TNFAIP8: variants seen among roughly 807,000 people sequenced by gnomAD.
The protein encoded by TNFAIP8 is tumor necrosis factor alpha-induced protein 8.
Under a neutral mutation model 13.3 loss-of-function variants are expected in TNFAIP8, and 7 were observed. That is an observed-to-expected ratio of 0.52 (90% CI 0.30 to 0.99). TNFAIP8 has a LOEUF of 0.99. Ranked by LOEUF, TNFAIP8 falls within the 50% of genes least tolerant of loss-of-function variation. TNFAIP8 has a pLI of 0.07. For missense variants in TNFAIP8, 258 were observed against 236.9 expected (o/e 1.09, Z -0.58); for synonymous variants, 94 against 87.6 (o/e 1.07, Z -0.41).
At chr5:119,345,817 A>T (rs1019013317) in intron 1 of TNFAIP8, among the ~76,000 whole-genome samples, 1 of 152,222 alleles carries the variant, frequency 6.6e-6, no homozygotes, top group Non-Finnish European at 1.5e-5. Context: ...GAATGTACTT[A>T]ATTCTCCTGA....
At chr5:119,377,656 G>C (rs1375258287) in intron 1 of TNFAIP8, among the ~76,000 whole-genome samples, 3 of 152,186 alleles carry the variant, frequency 2.0e-5, no homozygotes, top group African/African-American at 7.2e-5. Context: ...ATGAACAAGT[G>C]TTATGAAAAC....
intron 1 of TNFAIP8, among the ~76,000 whole-genome samples, chr5:119,358,293 A>C (rs905500962): frequency 6.6e-6 from 1 of 152,168 alleles, no homozygotes; most frequent in African/African-American, 2.4e-5. Flanking sequence ...GGTTGAATCT[A>C]AGTCCTTGGA....
At chr5:119,359,931 G>A (rs895709763) in intron 1 of TNFAIP8, among the ~76,000 whole-genome samples, 1 of 152,182 alleles carries the variant, frequency 6.6e-6, no homozygotes, top group Admixed American at 6.5e-5. Context: ...CATTAGGCTT[G>A]GAGTGTTGTG....
At chr5:119,312,582 A>G (rs1037109322) in intron 1 of TNFAIP8, among the ~76,000 whole-genome samples, 2 of 151,898 alleles carry the variant, frequency 1.3e-5, no homozygotes, top group African/African-American at 4.8e-5. Context: ...TAAAGGGAAG[A>G]GTGTGAACTT....
At chr5:119,357,224 G>C (rs1340909806) in intron 1 of TNFAIP8, among the ~76,000 whole-genome samples, 1 of 152,162 alleles carries the variant, frequency 6.6e-6, no homozygotes, top group Non-Finnish European at 1.5e-5. Context: ...ATAAAAAGGA[G>C]GTTTGTTTAA....
chr5:119,292,391 ATTAG>A (rs1198618645), intron 1 of TNFAIP8, among the ~76,000 whole-genome samples: 1 of 151,974 alleles, frequency 6.6e-6, no homozygotes, highest in African/African-American at 2.4e-5. Context: ...GTATGAGGAA[ATTAG>A]TTAATGTCTT....
At chr5:119,277,794 G>T (rs944646935) in intron 1 of TNFAIP8, among the ~76,000 whole-genome samples, 3 of 152,206 alleles carry the variant, frequency 2.0e-5, no homozygotes, top group African/African-American at 7.2e-5. Context: ...CACAGATTCA[G>T]TGTCTGGTGA....
chr5:119,293,013 A>T (rs1179013141), intron 1 of TNFAIP8, among the ~76,000 whole-genome samples: 1 of 152,050 alleles, frequency 6.6e-6, no homozygotes, highest in Non-Finnish European at 1.5e-5. Context: ...GCATTATTCC[A>T]GGTTCATCTG....
intron 1 of TNFAIP8, among the ~76,000 whole-genome samples, chr5:119,361,245 G>A (rs537337548): frequency 1.1e-4 from 16 of 152,086 alleles, no homozygotes; most frequent in Non-Finnish European, 2.2e-4. Context: ...CCCCCCAGCC[G>A]CTGACCAAGA....
intron 1 of TNFAIP8, among the ~76,000 whole-genome samples, chr5:119,329,511 G>A (rs893523331): frequency 3.9e-5 from 6 of 152,098 alleles, no homozygotes; most frequent in Non-Finnish European, 5.9e-5. Context: ...TAAATAGAAA[G>A]GTGTTCTTCC....
rs565393359 is a variant in TNFAIP8, at chr5:119,398,224, G to T, written c.*4843G>T. 1 of 152,128 alleles carries T rather than the reference G, an allele frequency of 6.6e-6. No homozygotes were observed. The highest frequency in any genetic ancestry group is 2.4e-5 in the African/African-American group (1 of 41,436). The allele number at this position is 152,128 out of a possible 1,614,324, so 9.4% of individuals were successfully genotyped here. A position where few individuals can be genotyped will look rare whatever the true frequency, so the allele number is the denominator to read the frequency against. ...ACATCAGCTGCATAACTGTATTTCT[G>T]CCTCGTGGAAATAAAGTAGATGATC... On this transcript the variant is annotated 3_prime_UTR_variant, in exon 2 of 2. Coordinates refer to ENST00000504771, the MANE Select transcript of TNFAIP8 (RefSeq NM_014350.4).
intron 1 of TNFAIP8, among the ~76,000 whole-genome samples, chr5:119,286,494 C>T (rs1045924104): frequency 4.0e-5 from 6 of 151,694 alleles, no homozygotes; most frequent in South Asian, 2.1e-4. Flanking sequence ...TAGTGGCGGG[C>T]GCCTGTAATT....
intron 1 of TNFAIP8, among the ~76,000 whole-genome samples, chr5:119,332,508 A>C (rs527874352): frequency 1.3e-5 from 2 of 152,292 alleles, no homozygotes. Flanking sequence ...ATTGCTACAG[A>C]GTATAGAAAT....
Position 119,393,542 on chromosome 5 carries a change from T to A in TNFAIP8, c.*161T>A. 1.2e-6 allele frequency: 1 copy of A among 829,384 alleles called. No homozygotes were observed. Among genetic ancestry groups the A allele is most frequent in the Non-Finnish European group, 1.8e-6 (1 of 553,176 alleles). 51.4% of individuals were successfully genotyped at this position (829,384 alleles called of 1,614,324 possible). On this transcript the variant is annotated 3_prime_UTR_variant, in exon 2 of 2. Coordinates refer to ENST00000504771, the MANE Select transcript of TNFAIP8 (RefSeq NM_014350.4). Reference sequence around the variant, plus strand: ...TAATGATTTATTTGAAGGCTTGTTTTATTTGAAGAAAAGCATATTGCCAAA... The same window carrying A: ...TAATGATTTATTTGAAGGCTTGTTTAATTTGAAGAAAAGCATATTGCCAAA...
chr5:119,373,751 G>C (rs1279451122), intron 1 of TNFAIP8, among the ~76,000 whole-genome samples: 2 of 152,184 alleles, frequency 1.3e-5, no homozygotes, highest in Non-Finnish European at 2.9e-5. Flanking sequence ...CCCAGGTATA[G>C]TATTAAATCA....
At chr5:119,292,042 C>T (rs1021373218) in intron 1 of TNFAIP8, among the ~76,000 whole-genome samples, 5 of 152,068 alleles carry the variant, frequency 3.3e-5, no homozygotes, top group Non-Finnish European at 5.9e-5. Flanking sequence ...GGGAGAGGAC[C>T]GGAAGCGATT....
chr5:119,279,250 G>C (rs1197540349), intron 1 of TNFAIP8, among the ~76,000 whole-genome samples: 1 of 152,186 alleles, frequency 6.6e-6, no homozygotes, highest in Non-Finnish European at 1.5e-5. Flanking sequence ...TGGCTCAGCT[G>C]CCCTCCCATA....
chr5:119,311,161 T>C (rs1468941094), intron 1 of TNFAIP8, among the ~76,000 whole-genome samples: 1 of 152,094 alleles, frequency 6.6e-6, no homozygotes, highest in Non-Finnish European at 1.5e-5. Context: ...TAGTTGGGAC[T>C]ATAGGTACAC....
chr5:119,317,374 G>A (rs1343493432), intron 1 of TNFAIP8, among the ~76,000 whole-genome samples: 1 of 152,014 alleles, frequency 6.6e-6, no homozygotes, highest in Non-Finnish European at 1.5e-5. Flanking sequence ...CCATTTGAAA[G>A]TGATTATATA....
Sources: allele counts gnomAD v4.1 joint callset (sites outside exome capture counted in the v4.1 genomes callset), GRCh38; gene constraint gnomAD v4.1.1; transcripts MANE v1.5; gene names NCBI Gene and HGNC (gene_info 2026-07-23, HGNC 2026-07-21).